PPM1L: variants seen among roughly 807,000 people sequenced by gnomAD.
PPM1L encodes protein phosphatase, Mg2+/Mn2+ dependent 1L, also known as protein phosphatase 1L.
A neutral mutation model predicts 31.4 loss-of-function variants in PPM1L; 13 were observed. The ratio of observed to expected loss-of-function variants is 0.41; its 90% CI spans 0.27 to 0.66. The LOEUF (loss-of-function observed/expected upper bound fraction) is 0.66. Ranked by LOEUF, PPM1L falls within the 30% of genes least tolerant of loss-of-function variation. PPM1L has a pLI of 0.29. For synonymous variants in PPM1L, 184 were observed against 175.4 expected, an observed-to-expected ratio of 1.05 and a Z score of -0.39; for missense variants, 326 against 453.7, an observed-to-expected ratio of 0.72 and a Z score of 2.56.
chr3:160,969,020 G>A (rs1241682393), intron 2 of PPM1L, among the ~76,000 whole-genome samples: 1 of 152,212 alleles, frequency 6.6e-6, no homozygotes, highest in Admixed American at 6.5e-5. Flanking sequence ...GTGCACATGA[G>A]GGAAGAAGAG....
rs546026656 is a variant in PPM1L at position 160,946,524 on chromosome 3, A to G, written c.400-15212A>G. ...TGGAAAAACCCCTGAAGATGTAAAA[A>G]CTCTCTCTTGATTACCCAGATTTCA... On this transcript the variant is annotated intron_variant, in intron 1 of 3. Transcript: ENST00000498165. Among the ~76,000 whole-genome samples the G allele has an allele frequency of 3.2e-4, 49 of 151,684 alleles. No homozygotes were observed. In the South Asian group the frequency reaches 5.4e-3, roughly 17 times the overall value.
intron 1 of PPM1L, among the ~76,000 whole-genome samples, chr3:160,895,710 C>G (rs1018692831): frequency 3.3e-5 from 5 of 152,104 alleles, no homozygotes; most frequent in African/African-American, 1.2e-4. Context: ...ATAGGGACAT[C>G]AAGAGTGTCA....
intron 2 of PPM1L, among the ~76,000 whole-genome samples, chr3:160,975,220 C>G (rs992537379): frequency 6.6e-6 from 1 of 152,028 alleles, no homozygotes; most frequent in African/African-American, 2.4e-5. Flanking sequence ...CTGTTCTGTT[C>G]CATTGATCTA....
chr3:160,804,064 C>T (rs1176783071), intron 1 of PPM1L, among the ~76,000 whole-genome samples: 1 of 151,934 alleles, frequency 6.6e-6, no homozygotes, highest in Non-Finnish European at 1.5e-5. Context: ...ACTACAGGCG[C>T]CCGCCACCAC....
At chr3:161,057,728 G>C (rs979631418) in intron 2 of PPM1L, among the ~76,000 whole-genome samples, 1 of 152,034 alleles carries the variant, frequency 6.6e-6, no homozygotes, top group Non-Finnish European at 1.5e-5. Context: ...TCGTTGCTGA[G>C]GAACTGCTTT....
chr3:160,936,594 G>A (rs895265699), intron 1 of PPM1L, among the ~76,000 whole-genome samples: 1 of 152,128 alleles, frequency 6.6e-6, no homozygotes, highest in Non-Finnish European at 1.5e-5. Context: ...GTTTCTTAAT[G>A]TACTGTTTTG....
intron 2 of PPM1L, among the ~76,000 whole-genome samples, chr3:161,005,541 C>T (rs1717675784): frequency 6.6e-6 from 1 of 152,136 alleles, no homozygotes; most frequent in Admixed American, 6.6e-5. Context: ...TGATTAAATA[C>T]AGAAGCTCTG....
At chr3:161,040,052 G>T (rs1718865096) in intron 2 of PPM1L, among the ~76,000 whole-genome samples, 1 of 152,166 alleles carries the variant, frequency 6.6e-6, no homozygotes. Context: ...TACTGGGTTT[G>T]GATGTGGAAT....
chr3:160,816,444 A>G (rs559756867), intron 1 of PPM1L, among the ~76,000 whole-genome samples: 2 of 151,526 alleles, frequency 1.3e-5, no homozygotes, highest in Admixed American at 1.3e-4. Flanking sequence ...AAGGAAATGC[A>G]GTTAAAATGT....
At chr3:160,758,510 T>TAATGTGGTGAAATTTTGG (rs1259758908) in intron 1 of PPM1L, among the ~76,000 whole-genome samples, 2 of 152,226 alleles carry the variant, frequency 1.3e-5, no homozygotes, top group African/African-American at 2.4e-5. Context: ...GTTGTAATAG[T>TAATGTGGTGAAATTTTGG]AATGTGGTGA....
At chr3:160,944,799 TAAC>T (rs1715285125) in intron 1 of PPM1L, among the ~76,000 whole-genome samples, 1 of 22,150 alleles carries the variant, frequency 4.5e-5, no homozygotes, top group African/African-American at 1.1e-4. Flanking sequence ...ATGTTATATA[TAAC>T]ATATATAACA....
chr3:160,956,595 A>G (rs1163998366), intron 1 of PPM1L, among the ~76,000 whole-genome samples: 1 of 150,326 alleles, frequency 6.7e-6, no homozygotes, highest in Admixed American at 6.6e-5. Context: ...GCAAGAATGG[A>G]GAAGATCAAA....
chr3:161,063,552 GT>G (rs1014319670), intron 2 of PPM1L, among the ~76,000 whole-genome samples: 13 of 150,462 alleles, frequency 8.6e-5, no homozygotes, highest in East Asian at 3.9e-4. Flanking sequence ...CAGTGTTGTT[GT>G]TTTTTTTTCT....
chr3:160,950,345 C>T (rs567649920), intron 1 of PPM1L, among the ~76,000 whole-genome samples: 355 of 152,156 alleles, frequency 2.3e-3, no homozygotes, highest in African/African-American at 8.4e-3. Context: ...GAATTTCAGG[C>T]GTCAAAAAAG....
chr3:160,953,030 C>T (rs1285255962), intron 1 of PPM1L, among the ~76,000 whole-genome samples: 4 of 152,158 alleles, frequency 2.6e-5, no homozygotes, highest in African/African-American at 9.7e-5. Flanking sequence ...CTTGGCAAAG[C>T]ACTCTGTAGA....
chr3:161,016,335 A>G (rs531967059), intron 2 of PPM1L, among the ~76,000 whole-genome samples: 1 of 152,372 alleles, frequency 6.6e-6, no homozygotes, highest in East Asian at 1.9e-4. Flanking sequence ...GAGGCCTATC[A>G]TATTCCCCTA....
chr3:160,795,604 T>C (rs1345865493), intron 1 of PPM1L, among the ~76,000 whole-genome samples: 1 of 152,214 alleles, frequency 6.6e-6, no homozygotes, highest in African/African-American at 2.4e-5. Context: ...GGAGACTTTA[T>C]GGGTGCCTTT....
chr3:160,927,639 CGTGCGCGCGCATGCACGTAA>C (rs1179877103), intron 1 of PPM1L, among the ~76,000 whole-genome samples: 4 of 151,722 alleles, frequency 2.6e-5, no homozygotes, highest in South Asian at 2.1e-4. Flanking sequence ...CGTGCGTGTG[CGTGCGCGCGCATGCACGTAA>C]ATGCGTGTTA....
At chr3:160,790,096 AT>A (rs1008345418) in intron 1 of PPM1L, among the ~76,000 whole-genome samples, 19 of 151,880 alleles carry the variant, frequency 1.3e-4, no homozygotes, top group Admixed American at 7.9e-4. Context: ...GAAACCATCC[AT>A]TTTTTTTCCC....
Sources: allele counts gnomAD v4.1 joint callset (sites outside exome capture counted in the v4.1 genomes callset), GRCh38; gene constraint gnomAD v4.1.1; transcripts MANE v1.5; gene names NCBI Gene and HGNC (gene_info 2026-07-23, HGNC 2026-07-21).